OR3A2: variants seen among roughly 807,000 people sequenced by gnomAD.
The protein encoded by OR3A2 is olfactory receptor 3A2.
For missense variants in OR3A2, 318 were observed against 392.8 expected (o/e 0.81, Z 1.61); for synonymous variants, 126 against 159.3 (o/e 0.79, Z 1.57).
intron 3 of OR3A2, among the ~76,000 whole-genome samples, chr17:3,312,263 A>T (rs1201596189): frequency 6.6e-6 from 1 of 152,214 alleles, no homozygotes; most frequent in Non-Finnish European, 1.5e-5. Flanking sequence ...GTTAATAAAA[A>T]TGAAATGTCT....
In OR3A2 at chr17:3,339,669, A is replaced by G. The variant is rs891261738; in HGVS notation, c.-178-3543T>C. ...AGCTTTTTGATGTGCTGCTGGATTCAGTTTGCCAGTATTTTATTGAGGATT... is the reference window on the plus strand; with the variant it reads ...AGCTTTTTGATGTGCTGCTGGATTCGGTTTGCCAGTATTTTATTGAGGATT... On this transcript the variant is annotated intron_variant, in intron 2 of 4. Coordinates refer to the OR3A2 transcript ENST00000573491. 9.2e-5 allele frequency among the ~76,000 whole-genome samples: 14 copies of G among 152,176 alleles called. 1 individual carries two copies. Among genetic ancestry groups the G allele is most frequent in the Non-Finnish European group, 1.6e-4 (11 of 67,980 alleles).
At chr17:3,319,372 T>C (rs1198116226) in intron 3 of OR3A2, among the ~76,000 whole-genome samples, 1 of 152,102 alleles carries the variant, frequency 6.6e-6, no homozygotes, top group Non-Finnish European at 1.5e-5. Flanking sequence ...TTTTTATTCA[T>C]TTTTTTAAAT....
chr17:3,334,477 C>T (rs1179645570), intron 3 of OR3A2, among the ~76,000 whole-genome samples: 2 of 152,120 alleles, frequency 1.3e-5, no homozygotes, highest in Admixed American at 6.6e-5. Context: ...GACAGAATTT[C>T]GTTCTTCTAT....
intron 2 of OR3A2, among the ~76,000 whole-genome samples, chr17:3,354,739 C>G (rs230466): frequency 0.021 from 3,126 of 151,150 alleles, 223 homozygotes; most frequent in African/African-American, 0.07. Context: ...ATATTATTTT[C>G]TTCATTTCAA....
Position 3,300,839 on chromosome 17 carries a change from C to A in OR3A2, c.-84-21686G>T, listed in dbSNP as rs1159785720. Among the ~76,000 whole-genome samples the A allele has an allele frequency of 1.5e-3, 205 of 132,736 alleles. 2 individuals carry two copies. The highest frequency in any genetic ancestry group is 5.3e-3 in the African/African-American group (195 of 36,590). 87.1% of individuals were successfully genotyped at this position (132,736 alleles called of 152,430 possible). A position where few individuals can be genotyped will look rare whatever the true frequency, so the allele number is the denominator to read the frequency against. On this transcript the variant is annotated intron_variant, in intron 3 of 4. Transcript: ENST00000573491. ...TATATCTCCTAATGCTGTCCCTCCC[C>A]CCTCCCCCCATCCCACGACAGGCCC...
intron 3 of OR3A2, 150 bp downstream of exon 2, chr17:3,335,879 C>A (rs1449829138): frequency 1.3e-5 from 2 of 152,176 alleles, no homozygotes; most frequent in African/African-American, 4.8e-5. Context: ...CCATGCATAC[C>A]TCCTACCACC....
At chr17:3,276,523 T>A (rs530695700), downstream of OR3A2, among the ~76,000 whole-genome samples, 1 of 152,294 alleles carries the variant, frequency 6.6e-6, no homozygotes, top group South Asian at 2.1e-4. Context: ...AGGTATAACA[T>A]TCTGAATAAT....
At chr17:3,369,040 T>C (rs1165820400) in intron 2 of OR3A2, among the ~76,000 whole-genome samples, 2 of 152,226 alleles carry the variant, frequency 1.3e-5, no homozygotes, top group Admixed American at 1.3e-4. Flanking sequence ...CTCAGCTTGG[T>C]TGCTGCTGGT....
At chr17:3,299,646 T>G (rs1270352724) in intron 3 of OR3A2, among the ~76,000 whole-genome samples, 1 of 152,134 alleles carries the variant, frequency 6.6e-6, no homozygotes, top group Non-Finnish European at 1.5e-5. Flanking sequence ...ATGGAGACCT[T>G]GCATTTCCTT....
intron 2 of OR3A2, among the ~76,000 whole-genome samples, chr17:3,367,601 G>GTATATATATTATA (rs1555530076): frequency 1.8e-4 from 22 of 122,528 alleles, no homozygotes; most frequent in Admixed American, 8.3e-4. Flanking sequence ...GTGTGTGTGT[G>GTATATATATTATA]TATATATATA....
At chr17:3,319,001 A>G (rs565687030) in intron 3 of OR3A2, among the ~76,000 whole-genome samples, 45 of 151,738 alleles carry the variant, frequency 3.0e-4, no homozygotes, top group African/African-American at 1.0e-3. Flanking sequence ...AAACAAAACA[A>G]CTCCCTCCAT....
chr17:3,280,480 G>C (rs1034326563), intron 1 of OR3A2, among the ~76,000 whole-genome samples: 1 of 152,098 alleles, frequency 6.6e-6, no homozygotes. Context: ...CACCGTGTTA[G>C]CCAGGATGGT....
intron 3 of OR3A2, among the ~76,000 whole-genome samples, chr17:3,299,787 T>C (rs2048948029): frequency 6.6e-6 from 1 of 152,232 alleles, no homozygotes; most frequent in Non-Finnish European, 1.5e-5. Flanking sequence ...TCAGCAACTC[T>C]GGCCTTCCAT....
chr17:3,294,642 A>G (rs1277357866), intron 3 of OR3A2, among the ~76,000 whole-genome samples: 1 of 152,240 alleles, frequency 6.6e-6, no homozygotes, highest in African/African-American at 2.4e-5. Flanking sequence ...CTGGAGTATC[A>G]CTGAATATCA....
At chr17:3,323,891 T>C (rs1044102391) in intron 3 of OR3A2, among the ~76,000 whole-genome samples, 5 of 152,094 alleles carry the variant, frequency 3.3e-5, no homozygotes, top group Admixed American at 2.6e-4. Context: ...TTTCCTGAAT[T>C]TGAATGTCGG....
At chr17:3,354,691 C>G (rs1309813237) in intron 2 of OR3A2, among the ~76,000 whole-genome samples, 1 of 151,160 alleles carries the variant, frequency 6.6e-6, no homozygotes, top group African/African-American at 2.4e-5. Context: ...TATTGTTTAT[C>G]TTTTCACAAA....
intron 1 of OR3A2, among the ~76,000 whole-genome samples, chr17:3,384,448 T>C (rs1209056988): frequency 1.3e-5 from 2 of 152,192 alleles, no homozygotes; most frequent in Non-Finnish European, 2.9e-5. Context: ...AATCTCTTCA[T>C]GCAGTCTGCA....
At chr17:3,349,094 C>A (rs1017534801) in intron 2 of OR3A2, among the ~76,000 whole-genome samples, 13 of 152,200 alleles carry the variant, frequency 8.5e-5, no homozygotes, top group African/African-American at 3.1e-4. Flanking sequence ...AATGTAAAGA[C>A]CATTGAGACT....
chr17:3,335,412 G>C (rs1267968248), intron 3 of OR3A2, among the ~76,000 whole-genome samples: 3 of 152,074 alleles, frequency 2.0e-5, no homozygotes, highest in African/African-American at 7.2e-5. Flanking sequence ...ATGTATCCAA[G>C]AGGGATTTTT....
Sources: allele counts gnomAD v4.1 joint callset (sites outside exome capture counted in the v4.1 genomes callset), GRCh38; gene constraint gnomAD v4.1.1; transcripts MANE v1.5; gene names NCBI Gene and HGNC (gene_info 2026-07-23, HGNC 2026-07-21).